The following CDH7 variants were observed in gnomAD, a reference collection of about 807,000 sequenced individuals.
CDH7 encodes cadherin-7.
CDH7 carries 25 observed loss-of-function variants against 71.8 expected under a neutral mutation model. The observed-to-expected ratio is 0.35, with a 90% CI of 0.25 to 0.49. The LOEUF (loss-of-function observed/expected upper bound fraction) is 0.49. CDH7 is among the 20% of genes least tolerant of loss of function. The pLI, the probability that CDH7 is intolerant of heterozygous loss-of-function variation, is 0.99. For missense variants in CDH7, 862 were observed against 974.6 expected (o/e 0.88, Z 1.54); for synonymous variants, 381 against 363.8 (o/e 1.05, Z -0.54).
intron 2 of CDH7, among the ~76,000 whole-genome samples, chr18:65,766,885 TAAAAAAAAAAAAAAAAAAAAA>T (rs61611288): frequency 0.58 from 51,946 of 89,376 alleles, 11,603 homozygotes; most frequent in Middle Eastern, 0.68. Context: ...CTGTCTGACG[TAAAAAAAAAAAAAAAAAAAAA>T]AAAAAAAAAA....
At chr18:65,784,733 C>T (rs1349224134) in intron 2 of CDH7, among the ~76,000 whole-genome samples, 5 of 152,130 alleles carry the variant, frequency 3.3e-5, no homozygotes, top group Non-Finnish European at 4.4e-5. Context: ...ACTTCATCTC[C>T]GTGTTGAATC....
chr18:65,863,985 A>G (rs1341448665), intron 11 of CDH7: 2 of 152,236 alleles, frequency 1.3e-5, no homozygotes, highest in African/African-American at 4.8e-5. Context: ...TTTAAGTGTT[A>G]CTGATGGAAA....
chr18:65,793,372 T>C (rs566296291), intron 2 of CDH7, among the ~76,000 whole-genome samples: 1 of 150,414 alleles, frequency 6.6e-6, no homozygotes, highest in African/African-American at 2.5e-5. Context: ...GGTGGAGTCT[T>C]GTAGTGCCAC....
At chr18:65,850,189 A>ATATATATATATATATATATATATAT (rs373950984) in intron 7 of CDH7, among the ~76,000 whole-genome samples, 1 of 143,840 alleles carries the variant, frequency 7.0e-6, no homozygotes, top group African/African-American at 2.6e-5. Context: ...TATATATATA[A>ATATATATATATATATATATATATAT]AATTAAATAC....
chr18:65,801,228 G>T (rs1029382312), intron 2 of CDH7, among the ~76,000 whole-genome samples: 2 of 152,118 alleles, frequency 1.3e-5, no homozygotes, highest in East Asian at 3.9e-4. Flanking sequence ...TAGGTGATTA[G>T]TATATGTTGA....
intron 6 of CDH7, among the ~76,000 whole-genome samples, chr18:65,835,445 C>T (rs1043959260): frequency 1.3e-5 from 2 of 152,176 alleles, no homozygotes; most frequent in African/African-American, 4.8e-5. Context: ...CCACTTCCCT[C>T]ATCATCCTTT....
intron 6 of CDH7, among the ~76,000 whole-genome samples, chr18:65,839,320 G>A (rs1356593685): frequency 6.6e-6 from 1 of 152,130 alleles, no homozygotes; most frequent in African/African-American, 2.4e-5. Context: ...GGCATCTGAC[G>A]AGGGCCCTCT....
At chr18:65,781,826 CTT>C (rs1430384735) in intron 2 of CDH7, among the ~76,000 whole-genome samples, 45 of 77,424 alleles carry the variant, frequency 5.8e-4, no homozygotes, top group Non-Finnish European at 7.3e-4. Flanking sequence ...TTCCTTCTTT[CTT>C]TCTTTCTTTC....
chr18:65,806,407 T>G (rs776115419), intron 2 of CDH7, among the ~76,000 whole-genome samples: 26 of 152,178 alleles, frequency 1.7e-4, no homozygotes, highest in Non-Finnish European at 2.6e-4. Flanking sequence ...GATTTTTTTT[T>G]TGTTATTGTT....
chr18:65,849,339 T>TTTTTCTTTTCTTTTC (rs71167161), intron 7 of CDH7, among the ~76,000 whole-genome samples: 24 of 82,806 alleles, frequency 2.9e-4, no homozygotes, highest in African/African-American at 7.4e-4. Context: ...TAGCCTTTCC[T>TTTTTCTTTTCTTTTC]TTTTCTTTTC....
intron 2 of CDH7, among the ~76,000 whole-genome samples, chr18:65,767,786 T>A (rs561017482): frequency 6.6e-6 from 1 of 152,334 alleles, no homozygotes; most frequent in African/African-American, 2.4e-5. Flanking sequence ...TAGAAATACT[T>A]CTTGGCAGTT....
At chr18:65,866,321 AAAAAAAAAAC>A (rs1913755991) in intron 11 of CDH7, 1 of 5,460 alleles carries the variant, frequency 1.8e-4, no homozygotes, top group African/African-American at 4.6e-4. Flanking sequence ...AAAACAAAAA[AAAAAAAAAAC>A]AAAAAAAAAA....
At chr18:65,785,865 A>G (rs2143845454) in intron 2 of CDH7, among the ~76,000 whole-genome samples, 1 of 152,338 alleles carries the variant, frequency 6.6e-6, no homozygotes, top group East Asian at 1.9e-4. Flanking sequence ...TCAACATAAG[A>G]AATATAATTT....
intron 6 of CDH7, among the ~76,000 whole-genome samples, chr18:65,826,160 CA>C (rs1235602258): frequency 2.7e-5 from 4 of 150,592 alleles, no homozygotes; most frequent in Admixed American, 6.6e-5. Context: ...GAAAAAGAGA[CA>C]AAAAAACCTA....
chr18:65,843,093 C>T (rs1283527052), intron 6 of CDH7, among the ~76,000 whole-genome samples: 1 of 152,162 alleles, frequency 6.6e-6, no homozygotes, highest in Non-Finnish European at 1.5e-5. Flanking sequence ...GTCCTTACAA[C>T]CTTTTTCAGC....
intron 2 of CDH7, among the ~76,000 whole-genome samples, chr18:65,789,156 A>G (rs892582164): frequency 6.6e-6 from 1 of 152,186 alleles, no homozygotes; most frequent in East Asian, 1.9e-4. Context: ...GGTGAATTTT[A>G]TTAATGTGCA....
At chr18:65,853,575 G>A (rs1205571593) in intron 7 of CDH7, among the ~76,000 whole-genome samples, 1 of 151,480 alleles carries the variant, frequency 6.6e-6, no homozygotes, top group Non-Finnish European at 1.5e-5. Context: ...GTAGAAAATA[G>A]GAAACCCCTT....
chr18:65,759,511 C>T (rs1488620584), intron 1 of CDH7, among the ~76,000 whole-genome samples: 2 of 151,892 alleles, frequency 1.3e-5, no homozygotes, highest in Admixed American at 6.6e-5. Flanking sequence ...CTTGGCCTCC[C>T]GAAGTGCTGG....
chr18:65,759,551 C>G (rs1359337492), intron 1 of CDH7, among the ~76,000 whole-genome samples: 1 of 151,946 alleles, frequency 6.6e-6, no homozygotes, highest in African/African-American at 2.4e-5. Flanking sequence ...CACACCCGGC[C>G]CCCATTATCT....
Sources: gnomAD v4.1 joint callset for allele counts (sites outside exome capture counted in the v4.1 genomes callset) on GRCh38, gnomAD v4.1.1 for gene constraint, MANE v1.5 for transcripts, NCBI Gene and HGNC (gene_info 2026-07-23, HGNC 2026-07-21) for gene names.